BCAR3: variants seen among roughly 807,000 people sequenced by gnomAD.
BCAR3 encodes the protein breast cancer anti-estrogen resistance protein 3.
In BCAR3, 37 loss-of-function variants were observed where a neutral mutation model predicts 80.1. The ratio of observed to expected loss-of-function variants is 0.46; its 90% confidence interval spans 0.36 to 0.61. BCAR3 has a LOEUF of 0.61. Among genes scored for constraint, BCAR3 ranks in the 20% least tolerant of loss-of-function variants. The pLI, the probability that BCAR3 is intolerant of heterozygous loss-of-function variation, is 0.00. For missense variants in BCAR3, 978 were observed against 1,068.2 expected, an observed-to-expected ratio of 0.92 and a Z score of 1.18; for synonymous variants, 389 against 418.9, an observed-to-expected ratio of 0.93 and a Z score of 0.87.
At chr1:93,614,614 G>A (rs1244448531) in intron 3 of BCAR3, among the ~76,000 whole-genome samples, 5 of 152,036 alleles carry the variant, frequency 3.3e-5, no homozygotes, top group East Asian at 1.9e-4. Context: ...AGCTGATAAC[G>A]TTGGCACAGC....
chr1:93,729,460 T>C (rs1024413320), intron 2 of BCAR3, among the ~76,000 whole-genome samples: 1 of 152,206 alleles, frequency 6.6e-6, no homozygotes, highest in African/African-American at 2.4e-5. Context: ...GTTTTTGCAC[T>C]GTCAAGAAGC....
intron 2 of BCAR3, among the ~76,000 whole-genome samples, chr1:93,762,720 C>T (rs918309711): frequency 6.6e-6 from 1 of 152,200 alleles, no homozygotes; most frequent in African/African-American, 2.4e-5. Flanking sequence ...TTGCTTCCTC[C>T]TCCCTCTTCT....
intron 2 of BCAR3, among the ~76,000 whole-genome samples, chr1:93,743,014 T>TA (rs1651233169): frequency 6.6e-6 from 1 of 152,350 alleles, no homozygotes; most frequent in African/African-American, 2.4e-5. Context: ...TTCTTTATTT[T>TA]AAAAAATGCA....
intron 7 of BCAR3, among the ~76,000 whole-genome samples, chr1:93,578,093 C>T (rs919022967): frequency 2.6e-5 from 4 of 152,212 alleles, no homozygotes; most frequent in East Asian, 1.9e-4. Context: ...GAAGCACCCC[C>T]GATGAGGCTT....
intron 1 of BCAR3, chr1:93,846,820 G>A (rs2100862079): frequency 2.1e-6 from 1 of 472,862 alleles, no homozygotes; most frequent in Non-Finnish European, 4.3e-6. Context: ...CTCGGAGGAT[G>A]CTGCGGCGCG....
At chr1:93,705,659 C>T (rs888534872) in intron 3 of BCAR3, among the ~76,000 whole-genome samples, 3 of 152,242 alleles carry the variant, frequency 2.0e-5, no homozygotes. Context: ...GAAACCCTCC[C>T]CACCTTACGG....
chr1:93,788,224 G>A (rs966139776), intron 2 of BCAR3, among the ~76,000 whole-genome samples: 5 of 152,112 alleles, frequency 3.3e-5, no homozygotes, highest in Non-Finnish European at 7.4e-5. Flanking sequence ...GTCTCTTGAA[G>A]TCAGTAGATC....
intron 2 of BCAR3, among the ~76,000 whole-genome samples, chr1:93,718,460 A>C (rs1197799208): frequency 6.6e-6 from 1 of 152,108 alleles, no homozygotes; most frequent in Non-Finnish European, 1.5e-5. Context: ...AAGGGCAGGG[A>C]TTCTGGGGTC....
At chr1:93,812,834 C>G (rs758184629) in intron 2 of BCAR3, among the ~76,000 whole-genome samples, 24 of 152,344 alleles carry the variant, frequency 1.6e-4, no homozygotes, top group Middle Eastern at 3.4e-3. Flanking sequence ...TCTCTACCCC[C>G]CTATCCCAGG....
intron 2 of BCAR3, among the ~76,000 whole-genome samples, chr1:93,710,574 G>A (rs1472885473): frequency 6.6e-6 from 1 of 152,110 alleles, no homozygotes; most frequent in Admixed American, 6.5e-5. Flanking sequence ...GCCACACCCA[G>A]CAGGTCTCGA....
At chr1:93,643,545 CA>C (rs547667389) in intron 2 of BCAR3, among the ~76,000 whole-genome samples, 208 of 22,290 alleles carry the variant, frequency 9.3e-3, no homozygotes, top group Non-Finnish European at 0.015. Context: ...GACTCTTTCT[CA>C]AAAAAAAAAA....
At chr1:93,708,832 C>T (rs1266802770) in intron 2 of BCAR3, among the ~76,000 whole-genome samples, 1 of 152,190 alleles carries the variant, frequency 6.6e-6, no homozygotes, top group Non-Finnish European at 1.5e-5. Context: ...TTTGCCCCGC[C>T]AGGGCTGTGC....
chr1:93,732,191 G>T (rs1241505762), intron 2 of BCAR3, among the ~76,000 whole-genome samples: 1 of 152,216 alleles, frequency 6.6e-6, no homozygotes, highest in Non-Finnish European at 1.5e-5. Flanking sequence ...TTAGGACAGG[G>T]CCCTGGGGGT....
chr1:93,708,069 A>T (rs567210847), intron 2 of BCAR3, among the ~76,000 whole-genome samples: 1 of 152,212 alleles, frequency 6.6e-6, no homozygotes, highest in African/African-American at 2.4e-5. Context: ...TCCTCTAGCC[A>T]TTGAGTCAGA....
intron 2 of BCAR3, among the ~76,000 whole-genome samples, chr1:93,819,547 ATTTTTAT>A (rs962842965): frequency 3.3e-5 from 5 of 152,152 alleles, no homozygotes; most frequent in African/African-American, 9.7e-5. Flanking sequence ...TGGATCTTTT[ATTTTTAT>A]TTTTTATTTT....
At chr1:93,738,386 A>G (rs927285402) in intron 2 of BCAR3, among the ~76,000 whole-genome samples, 1 of 152,236 alleles carries the variant, frequency 6.6e-6, no homozygotes, top group Admixed American at 6.5e-5. Flanking sequence ...TCTAATAGGC[A>G]TTCCCAAGCC....
intron 3 of BCAR3, among the ~76,000 whole-genome samples, chr1:93,639,332 C>T (rs236269): frequency 0.012 from 1,802 of 152,232 alleles, 34 homozygotes; most frequent in African/African-American, 0.04. Context: ...CCTCGCCCCA[C>T]GAGCTATGAG....
chr1:93,588,950 A>G (rs370049099), intron 5 of BCAR3, 27 bp downstream of exon 5: 1 of 1,520,294 alleles, frequency 6.6e-7, no homozygotes, highest in African/African-American at 1.4e-5. Context: ...CGCCCCTCAT[A>G]GTCCTGCAGA....
intron 2 of BCAR3, among the ~76,000 whole-genome samples, chr1:93,813,985 A>C (rs1653934235): frequency 6.6e-6 from 1 of 152,140 alleles, no homozygotes; most frequent in Admixed American, 6.5e-5. Context: ...ACTGCCCCTG[A>C]TTTTGAGTTT....
Sources: gnomAD v4.1 joint callset for allele counts (sites outside exome capture counted in the v4.1 genomes callset) on GRCh38, gnomAD v4.1.1 for gene constraint, MANE v1.5 for transcripts, NCBI Gene and HGNC (gene_info 2026-07-23, HGNC 2026-07-21) for gene names.